The following STARD13 variants were observed in gnomAD, a reference collection of about 807,000 sequenced individuals.
STARD13 encodes the protein StAR related lipid transfer domain containing 13.
In STARD13, 62 loss-of-function variants were observed where a neutral mutation model predicts 106.4. The observed-to-expected ratio is 0.58, with a 90% CI of 0.48 to 0.72. The LOEUF is 0.72. Among genes scored for constraint, STARD13 ranks in the 30% least tolerant of loss-of-function variants. The probability of loss-of-function intolerance (pLI) is 0.00; values close to 1 mark genes in which losing one functional copy is unlikely to be tolerated. For missense variants in STARD13, 1,387 were observed against 1,424.0 expected (o/e 0.97, Z 0.42); for synonymous variants, 565 against 553.0 (o/e 1.02, Z -0.31).
the STARD13 span, among the ~76,000 whole-genome samples, chr13:33,498,910 G>A: frequency 6.6e-6 from 1 of 152,178 alleles, no homozygotes; most frequent in Admixed American, 6.6e-5. Context: ...GGCCGAGGCA[G>A]GCAGATCACC....
the STARD13 span, among the ~76,000 whole-genome samples, chr13:33,359,149 T>C: frequency 1.8e-3 from 274 of 151,256 alleles, 1 homozygote; most frequent in African/African-American, 6.5e-3. Context: ...GGAAGCGTTG[T>C]TTTTCGCTCT....
rs140673722 is a variant in STARD13 at position 33,343,596 on chromosome 13, AACAAATCT to A, written c.124+6686_124+6693del. ...CTGTCTTAAAAAAAAAAAAAAAAAA[AACAAATCT>A]ACAAATCTAGTAGTCCCTCTCCCTA... On this transcript the variant is annotated intron_variant, in intron 1 of 5. Transcript: ENST00000567873. Among the ~76,000 whole-genome samples, 934 of 121,382 alleles carry A rather than the reference AACAAATCT, an allele frequency of 7.7e-3. 17 individuals carry two copies. The highest frequency in any genetic ancestry group is 0.045 in the Middle Eastern group (8 of 178). 79.6% of individuals were successfully genotyped at this position (121,382 alleles called of 152,430 possible). A position where few individuals can be genotyped will look rare whatever the true frequency, so the allele number is the denominator to read the frequency against.
At chr13:33,574,942 G>A in the STARD13 span, among the ~76,000 whole-genome samples, 1 of 124,386 alleles carries the variant, frequency 8.0e-6, no homozygotes, top group Admixed American at 9.3e-5. Context: ...TTTTGAGACA[G>A]AGTCTCACTC....
intron 1 of STARD13, among the ~76,000 whole-genome samples, chr13:33,171,567 G>C (rs1218977504): frequency 6.6e-6 from 1 of 152,102 alleles, no homozygotes; most frequent in South Asian, 2.1e-4. Context: ...TAGGGCTGAC[G>C]CCTCTTGCCT....
the STARD13 span, among the ~76,000 whole-genome samples, chr13:33,542,501 G>C: frequency 3.4e-4 from 52 of 152,362 alleles, no homozygotes; most frequent in African/African-American, 1.2e-3. Context: ...CATTGAAAAA[G>C]ACGCACACGC....
chr13:33,284,726 A>C (rs984591212), intron 1 of STARD13, among the ~76,000 whole-genome samples: 4 of 146,944 alleles, frequency 2.7e-5, no homozygotes, highest in Non-Finnish European at 4.6e-5. Context: ...GCATGTTTTA[A>C]ATTTTTTTTT....
the STARD13 span, among the ~76,000 whole-genome samples, chr13:33,359,765 T>C: frequency 2.6e-5 from 4 of 152,224 alleles, no homozygotes; most frequent in African/African-American, 9.6e-5. Context: ...TTTAACTTGA[T>C]AGGCTATTTC....
chr13:33,647,009 C>T, the STARD13 span, among the ~76,000 whole-genome samples: 2 of 151,958 alleles, frequency 1.3e-5, no homozygotes, highest in Non-Finnish European at 1.5e-5. Flanking sequence ...TGCAGCCCCC[C>T]CTAAAATATA....
At position 33,227,987 on chromosome 13, in the gene STARD13, C is replaced by T. The variant is rs149482558; in HGVS notation, c.169+57483G>A. Among the ~76,000 whole-genome samples, 34 of 152,162 alleles carry T rather than the reference C, an allele frequency of 2.2e-4. No homozygotes were observed. The East Asian group carries it at 5.0e-3, about 22-fold the overall frequency. On this transcript the variant is annotated intron_variant, in intron 1 of 13. Transcript: ENST00000336934. Reference sequence around the variant, plus strand: ...ATAGATTGAATGTGCGATCGTAAAACGAAACAACGCAGAGCAGTTTTTAAC... The same window carrying T: ...ATAGATTGAATGTGCGATCGTAAAATGAAACAACGCAGAGCAGTTTTTAAC...
the STARD13 span, among the ~76,000 whole-genome samples, chr13:33,490,570 C>T: frequency 1.3e-5 from 2 of 152,266 alleles, no homozygotes; most frequent in Admixed American, 6.5e-5. Context: ...TTGCCTCCGG[C>T]CGCTGGGTGG....
chr13:33,182,313 T>C (rs1452659896), intron 1 of STARD13, among the ~76,000 whole-genome samples: 1 of 152,210 alleles, frequency 6.6e-6, no homozygotes, highest in East Asian at 1.9e-4. Flanking sequence ...AATATATTAA[T>C]GTAAAAATGG....
intron 3 of STARD13, among the ~76,000 whole-genome samples, chr13:33,163,827 T>C (rs1233037573): frequency 6.7e-6 from 1 of 149,616 alleles, no homozygotes; most frequent in Non-Finnish European, 1.5e-5. Context: ...AAATAATATA[T>C]AATTTTTCAA....
intron 1 of STARD13, among the ~76,000 whole-genome samples, chr13:33,197,773 C>T (rs1306044764): frequency 6.6e-6 from 1 of 152,206 alleles, no homozygotes; most frequent in East Asian, 1.9e-4. Flanking sequence ...AGGAGGTAAT[C>T]CAAAACATTG....
chr13:33,424,910 G>A, the STARD13 span, among the ~76,000 whole-genome samples: 3 of 152,320 alleles, frequency 2.0e-5, no homozygotes, highest in East Asian at 5.8e-4. Flanking sequence ...TTTTCCAGCA[G>A]AGAAAGTGGT....
the STARD13 span, among the ~76,000 whole-genome samples, chr13:33,643,711 C>T: frequency 1.3e-5 from 2 of 152,242 alleles, no homozygotes; most frequent in Non-Finnish European, 2.9e-5. Flanking sequence ...ATCCTCACTT[C>T]CCCCCAGCGC....
intron 1 of STARD13, among the ~76,000 whole-genome samples, chr13:33,309,375 A>G (rs1219671663): frequency 6.6e-6 from 1 of 152,176 alleles, no homozygotes; most frequent in East Asian, 1.9e-4. Flanking sequence ...CAAAGCCTTC[A>G]CAATCAGGGT....
chr13:33,114,930 G>A (rs911741107), intron 8 of STARD13, among the ~76,000 whole-genome samples: 1 of 151,830 alleles, frequency 6.6e-6, no homozygotes, highest in East Asian at 1.9e-4. Flanking sequence ...ATGCTGCTGC[G>A]GGTCCTGCCC....
At chr13:33,662,906 A>G in the STARD13 span, among the ~76,000 whole-genome samples, 1 of 152,256 alleles carries the variant, frequency 6.6e-6, no homozygotes. Flanking sequence ...GCAGTAAACA[A>G]TAATGCAAGT....
the STARD13 span, among the ~76,000 whole-genome samples, chr13:33,553,004 A>G: frequency 6.6e-6 from 1 of 152,210 alleles, no homozygotes; most frequent in Non-Finnish European, 1.5e-5. Flanking sequence ...TAGCTAAAAT[A>G]TAATATGGAT....
Sources: gnomAD v4.1 joint callset for allele counts (sites outside exome capture counted in the v4.1 genomes callset) on GRCh38, gnomAD v4.1.1 for gene constraint, MANE v1.5 for transcripts, NCBI Gene and HGNC (gene_info 2026-07-23, HGNC 2026-07-21) for gene names.